Variants in CRTC3 observed in about 807,000 individuals in gnomAD.
CRTC3 encodes the protein CREB-regulated transcription coactivator 3.
Under a neutral mutation model 74.5 loss-of-function variants are expected in CRTC3, and 26 were observed. The ratio of observed to expected loss-of-function variants is 0.35; its 90% CI spans 0.26 to 0.48. The LOEUF (loss-of-function observed/expected upper bound fraction) is 0.48. Among genes scored for constraint, CRTC3 ranks in the 20% least tolerant of loss-of-function variants. CRTC3 has a pLI of 0.99. For synonymous variants in CRTC3, 377 were observed against 325.8 expected, an observed-to-expected ratio of 1.16 and a Z score of -1.69; for missense variants, 760 against 787.3, an observed-to-expected ratio of 0.97 and a Z score of 0.41.
chr15:90,618,092 C>G, intron 8 of CRTC3, 124 bp downstream of exon 8: 1 of 613,296 alleles, frequency 1.6e-6, no homozygotes, highest in Admixed American at 2.6e-5. Context: ...TGTCTGAGAA[C>G]AGAGATAAGA....
At position 90,608,919 on chromosome 15, in the gene CRTC3, A is replaced by T. The variant is rs537862325; in HGVS notation, c.577+1441A>T. Reference sequence around the variant, plus strand: ...AATGGTCTTGAATTATCCATTCCATATGCAGATTGACTCTTGCCCAGAAAC... The same window carrying T: ...AATGGTCTTGAATTATCCATTCCATTTGCAGATTGACTCTTGCCCAGAAAC... On this transcript the variant is annotated intron_variant, in intron 6 of 14. Transcript: ENST00000268184. Among the ~76,000 whole-genome samples the T allele has an allele frequency of 3.9e-5, 6 of 152,332 alleles. No homozygotes were observed. In the South Asian group the frequency reaches 1.2e-3, roughly 32 times the overall value.
chr15:90,633,005 TCTCCCACAGA>T (rs544504580), intron 11 of CRTC3, among the ~76,000 whole-genome samples: 72 of 152,222 alleles, frequency 4.7e-4, no homozygotes, highest in African/African-American at 1.7e-3. Flanking sequence ...CTCTTTCCAC[TCTCCCACAGA>T]CTCCACCACA....
chr15:90,533,413 T>A (rs1966665277), intron 1 of CRTC3, among the ~76,000 whole-genome samples: 1 of 83,038 alleles, frequency 1.2e-5, no homozygotes, highest in African/African-American at 4.8e-5. Context: ...AGAGCGAGAC[T>A]CCGCCTAGGA....
intron 5 of CRTC3, among the ~76,000 whole-genome samples, chr15:90,605,156 G>C (rs1162963885): frequency 6.6e-6 from 1 of 152,080 alleles, no homozygotes; most frequent in African/African-American, 2.4e-5. Flanking sequence ...GGAGGCTGAG[G>C]TGGGGAGGAT....
At chr15:90,600,913 G>A (rs542689666) in intron 3 of CRTC3, among the ~76,000 whole-genome samples, 14 of 152,202 alleles carry the variant, frequency 9.2e-5, no homozygotes, top group Non-Finnish European at 1.9e-4. Flanking sequence ...CACATAGGAG[G>A]TGAGAAAGGG....
At chr15:90,601,959 G>A (rs942397129) in intron 3 of CRTC3, among the ~76,000 whole-genome samples, 2 of 152,230 alleles carry the variant, frequency 1.3e-5, no homozygotes, top group African/African-American at 4.8e-5. Flanking sequence ...GCCAAACACT[G>A]TTTCCAGGGG....
intron 9 of CRTC3, among the ~76,000 whole-genome samples, chr15:90,623,117 G>A (rs1381063435): frequency 1.3e-5 from 2 of 152,056 alleles, no homozygotes; most frequent in African/African-American, 2.4e-5. Flanking sequence ...TAGTCAGGCC[G>A]GCCACTTTAC....
chr15:90,638,751 A>T lies in CRTC3; in HGVS notation c.1484A>T (p.Asn495Ile). 1 of 1,614,144 alleles carries T rather than the reference A, an allele frequency of 6.2e-7. No individual in the cohort carries two copies. The highest frequency in any genetic ancestry group is 8.5e-7 in the Non-Finnish European group (1 of 1,180,028). ...LLPAQGSSLTNFFPDVGFDQQ... is the reference protein window; with the variant it reads ...LLPAQGSSLTIFFPDVGFDQQ... ...TCCCTGAAGGGCTCATCTTTGACCA[A>T]CTTCTTCCCAGATGTGGGTTTTGAC... Residue 495 changes from asparagine to isoleucine, a missense_variant, in exon 13 of 15, where the codon AAC becomes ATC. Coordinates refer to ENST00000268184, the MANE Select transcript of CRTC3 (RefSeq NM_022769.5).
chr15:90,636,718 A>G (rs1037242655), intron 11 of CRTC3, among the ~76,000 whole-genome samples: 3 of 151,566 alleles, frequency 2.0e-5, no homozygotes, highest in African/African-American at 7.4e-5. Flanking sequence ...AAAAAAACAA[A>G]CAACCCCATC....
chr15:90,628,801 G>A (rs11638324), intron 10 of CRTC3, among the ~76,000 whole-genome samples: 31,330 of 151,448 alleles, frequency 0.21, 3,496 homozygotes, highest in East Asian at 0.46. Flanking sequence ...GCCATGACTC[G>A]CCGTGGAAGG....
intron 2 of CRTC3, among the ~76,000 whole-genome samples, chr15:90,541,782 C>CTTTTTTTTTTTTTTTTTTTTTTTTTTTTT (rs11426969): frequency 8.3e-6 from 1 of 120,100 alleles, no homozygotes. Context: ...TCCCAGGATT[C>CTTTTTTTTTTTTTTTTTTTTTTTTTTTTT]TTTTTTTCTT....
chr15:90,545,616 G>A (rs142914323), intron 2 of CRTC3, among the ~76,000 whole-genome samples: 78 of 150,948 alleles, frequency 5.2e-4, no homozygotes, highest in Non-Finnish European at 9.7e-4. Flanking sequence ...TCACTCTTTC[G>A]CCCAGGCTGG....
chr15:90,629,213 TG>T lies in CRTC3; in HGVS notation c.968-20del, dbSNP rs1179094733. ...ATTTGGTCTGAAATTATAAGTAACTTGTGAATTTGTTGTCTTCCAGGTCTCC... is the reference window on the plus strand; with the variant it reads ...ATTTGGTCTGAAATTATAAGTAACTTTGAATTTGTTGTCTTCCAGGTCTCC... On this transcript the variant is annotated intron_variant, in intron 10 of 14. Coordinates refer to ENST00000268184, the MANE Select transcript of CRTC3 (RefSeq NM_022769.5). 1 of 1,598,004 alleles carries T rather than the reference TG, an allele frequency of 6.3e-7. No homozygotes were observed. The highest frequency in any genetic ancestry group is 2.2e-5 in the East Asian group (1 of 44,576).
At chr15:90,616,557 C>T (rs1968499556) in intron 7 of CRTC3, among the ~76,000 whole-genome samples, 1 of 152,194 alleles carries the variant, frequency 6.6e-6, no homozygotes. Flanking sequence ...GACAGTCACA[C>T]TGGAGCTTCT....
At chr15:90,626,611 C>CTTTT (rs922457681) in intron 10 of CRTC3, among the ~76,000 whole-genome samples, 4 of 133,426 alleles carry the variant, frequency 3.0e-5, no homozygotes, top group African/African-American at 8.8e-5. Context: ...AAGCCTGACA[C>CTTTT]TTTTTTTTTT....
intron 1 of CRTC3, among the ~76,000 whole-genome samples, chr15:90,537,779 A>G (rs1596067571): frequency 6.6e-6 from 1 of 152,058 alleles, no homozygotes. Flanking sequence ...GGTTCAAGCA[A>G]TTCTTCTGCT....
chr15:90,604,305 C>T, intron 4 of CRTC3, 80 bp from the exon 5 acceptor site: 3 of 1,063,288 alleles, frequency 2.8e-6, no homozygotes, highest in Non-Finnish European at 4.4e-6. Flanking sequence ...AGAGCCAGTT[C>T]TCAAATGCAA....
chr15:90,558,469 T>A (rs1239775537), intron 2 of CRTC3, among the ~76,000 whole-genome samples: 1 of 152,154 alleles, frequency 6.6e-6, no homozygotes, highest in Non-Finnish European at 1.5e-5. Context: ...TCTTAGCTGC[T>A]TACCACACAT....
rs573071980 is a variant in CRTC3 at position 90,536,690 on chromosome 15, G to C, written c.133-3349G>C. ...TAGGCATTAAAGAAAATTCCACTAA[G>C]ATGTGTGACTGTAGGCCAAAGGTCA... On this transcript the variant is annotated intron_variant, in intron 1 of 14. Transcript: ENST00000268184. Among the ~76,000 whole-genome samples the C allele has an allele frequency of 3.3e-3, 496 of 152,266 alleles. 2 individuals carry two copies. The highest frequency in any genetic ancestry group is 0.012 in the African/African-American group (481 of 41,546).
Sources: gnomAD v4.1 joint callset for allele counts (sites outside exome capture counted in the v4.1 genomes callset) on GRCh38, gnomAD v4.1.1 for gene constraint, MANE v1.5 for transcripts, NCBI Gene and HGNC (gene_info 2026-07-23, HGNC 2026-07-21) for gene names.